GNE: variants seen among roughly 807,000 people sequenced by gnomAD.
The protein encoded by GNE is glucosamine (UDP-N-acetyl)-2-epimerase/N-acetylmannosamine kinase, also known as bifunctional UDP-N-acetylglucosamine 2-epimerase/N-acetylmannosamine kinase.
A neutral mutation model predicts 61.8 loss-of-function variants in GNE; 41 were observed. The observed-to-expected ratio is 0.66, with a 90% CI of 0.52 to 0.86. GNE has a LOEUF of 0.86. Among genes scored for constraint, GNE ranks in the 40% least tolerant of loss-of-function variants. The pLI, the probability that GNE is intolerant of heterozygous loss-of-function variation, is 0.00. For synonymous variants in GNE, 264 were observed against 326.4 expected (o/e 0.81, Z 2.06); for missense variants, 608 against 909.1 (o/e 0.67, Z 4.26).
chr9:36,240,466 T>A (rs1173273891), intron 3 of GNE, among the ~76,000 whole-genome samples: 1 of 152,224 alleles, frequency 6.6e-6, no homozygotes, highest in Non-Finnish European at 1.5e-5. Context: ...TTTACTGACT[T>A]GTATACATTA....
intron 1 of GNE, among the ~76,000 whole-genome samples, chr9:36,269,129 C>CAA (rs397776335): frequency 5.0e-4 from 42 of 83,884 alleles, no homozygotes; most frequent in East Asian, 3.9e-3. Context: ...GACTCCGTCT[C>CAA]AAAAAAAAAA....
At chr9:36,248,593 G>C (rs917451544) in intron 2 of GNE, among the ~76,000 whole-genome samples, 1 of 151,930 alleles carries the variant, frequency 6.6e-6, no homozygotes, top group African/African-American at 2.4e-5. Flanking sequence ...CAGAGTGCTG[G>C]GATTATAGGC....
At chr9:36,260,295 A>AG (rs1329033450), upstream of GNE, among the ~76,000 whole-genome samples, 28 of 149,732 alleles carry the variant, frequency 1.9e-4, no homozygotes, top group African/African-American at 4.5e-4. Context: ...AAAAAAAAAA[A>AG]AAAGAAAGAA....
At chr9:36,233,728 A>G (rs913399445) in intron 5 of GNE, 192 bp downstream of exon 5, 1 of 666,290 alleles carries the variant, frequency 1.5e-6, no homozygotes, top group Admixed American at 2.2e-5. Context: ...ATAAAATGTA[A>G]GTAGAGATCT....
Position 36,215,941 on chromosome 9 carries a change from A to T in GNE, c.*1424T>A, listed in dbSNP as rs1828252254. The T allele has an allele frequency of 5.0e-6, 1 of 201,604 alleles. No individual in the cohort carries two copies. The highest frequency in any genetic ancestry group is 1.0e-5 in the Non-Finnish European group (1 of 96,428). 12.5% of individuals were successfully genotyped at this position (201,604 alleles called of 1,614,324 possible). A position where few individuals can be genotyped will look rare whatever the true frequency, so the allele number is the denominator to read the frequency against. On this transcript the variant is annotated 3_prime_UTR_variant, in exon 12 of 12. Coordinates refer to ENST00000642385, the MANE Select transcript of GNE (RefSeq NM_005476.7). The stretch of plus-strand genomic sequence containing the variant: ...TCAGTAGCAAAGATCCTTTTGGGAC[A>T]GTTAATCTCCTTTTAAAGGCTCTAA...
At chr9:36,232,102 T>A (rs1040383705) in intron 5 of GNE, among the ~76,000 whole-genome samples, 2 of 152,172 alleles carry the variant, frequency 1.3e-5, no homozygotes, top group African/African-American at 4.8e-5. Context: ...CACCTTTCTG[T>A]TATATTTACA....
At chr9:36,259,195 C>T (rs1830528265), upstream of GNE, among the ~76,000 whole-genome samples, 1 of 152,198 alleles carries the variant, frequency 6.6e-6, no homozygotes, top group East Asian at 1.9e-4. Flanking sequence ...GCTGGGACTA[C>T]AGGACCATGC....
chr9:36,223,720 A>G (rs1828717724), intron 7 of GNE, among the ~76,000 whole-genome samples: 1 of 151,564 alleles, frequency 6.6e-6, no homozygotes, highest in South Asian at 2.1e-4. Flanking sequence ...TGTTGAAGCA[A>G]TGACAACTCC....
exon 1 of GNE, chr9:36,276,954 C>G: frequency 1.2e-6 from 2 of 1,613,070 alleles, no homozygotes; most frequent in Non-Finnish European, 1.7e-6. Context: ...TCCCGAAGCA[C>G]GAGCTCTGTA....
At chr9:36,268,694 G>A (rs1054265820) in intron 1 of GNE, among the ~76,000 whole-genome samples, 3 of 152,104 alleles carry the variant, frequency 2.0e-5, no homozygotes, top group Non-Finnish European at 2.9e-5. Context: ...TATGTGGGAA[G>A]TATGTTCTTC....
At chr9:36,260,294 AAAAAG>A (rs1384811877), upstream of GNE, among the ~76,000 whole-genome samples, 708 of 151,466 alleles carry the variant, frequency 4.7e-3, 6 homozygotes, top group African/African-American at 0.016. Flanking sequence ...AAAAAAAAAA[AAAAAG>A]AAAGAAAGAA....
At chr9:36,222,699 G>T in intron 9 of GNE, 78 bp downstream of exon 9, 1 of 1,005,158 alleles carries the variant, frequency 9.9e-7, no homozygotes, top group African/African-American at 1.6e-5. Flanking sequence ...AGGCAGAGTT[G>T]TAACCACCTG....
intron 3 of GNE, among the ~76,000 whole-genome samples, chr9:36,242,732 G>GTTTTTTTTTTT (rs34441447): frequency 1.0e-5 from 1 of 95,992 alleles, no homozygotes. Context: ...TTTTATGCTT[G>GTTTTTTTTTTT]TTTTTTTTTT....
intron 1 of GNE, among the ~76,000 whole-genome samples, chr9:36,255,185 T>G (rs1387978348): frequency 6.6e-6 from 1 of 152,162 alleles, no homozygotes. Flanking sequence ...TGACAAACCA[T>G]GAATGATTTG....
rs575579722 is a variant in GNE, at chr9:36,214,542, A to G, written c.*2823T>C. 1.3e-5 allele frequency: 2 copies of G among 152,246 alleles called. No homozygotes were observed. Among genetic ancestry groups the G allele is most frequent in the African/African-American group, 2.4e-5 (1 of 41,466 alleles). The allele number at this position is 152,246 out of a possible 1,614,324, so 9.4% of individuals were successfully genotyped here. On this transcript the variant is annotated 3_prime_UTR_variant, in exon 12 of 12. Coordinates refer to ENST00000642385, the MANE Select transcript of GNE (RefSeq NM_005476.7). ...AATTAACATGCAATTACTTAACCAT[A>G]TGTAATAATTTACGTTGGAATATAT...
At chr9:36,260,217 G>C (rs950560943), upstream of GNE, among the ~76,000 whole-genome samples, 3 of 150,114 alleles carry the variant, frequency 2.0e-5, no homozygotes, top group African/African-American at 7.4e-5. Context: ...GGAGTTCCAG[G>C]CAACAGTGAG....
intron 3 of GNE, among the ~76,000 whole-genome samples, chr9:36,243,212 T>G (rs183009262): frequency 4.6e-5 from 7 of 152,100 alleles, no homozygotes; most frequent in African/African-American, 1.7e-4. Flanking sequence ...ACCCGGCTGA[T>G]TTTTGTATTT....
chr9:36,249,764 G>C (rs1253998945), intron 1 of GNE, among the ~76,000 whole-genome samples: 1 of 151,922 alleles, frequency 6.6e-6, no homozygotes, highest in East Asian at 1.9e-4. Context: ...GGTACCTGTA[G>C]TCCCAGCTAC....
rs991527490 is a variant in GNE, at chr9:36,217,022, G to C, written c.*343C>G. ...AGGATGAAGTGATATCCCAGGCAAG[G>C]CCTGAAGGTCTCAGTGGTATTAATA... is the stretch of plus-strand genomic sequence containing the variant. On this transcript the variant is annotated 3_prime_UTR_variant, in exon 12 of 12. Coordinates refer to ENST00000642385, the MANE Select transcript of GNE (RefSeq NM_005476.7). 5 of 357,714 alleles carry C rather than the reference G, an allele frequency of 1.4e-5. No homozygotes were observed. The highest frequency in any genetic ancestry group is 1.6e-5 in the Non-Finnish European group (3 of 185,936). 22.2% of individuals were successfully genotyped at this position (357,714 alleles called of 1,614,324 possible). A position where few individuals can be genotyped will look rare whatever the true frequency, so the allele number is the denominator to read the frequency against.
Sources: gnomAD v4.1 joint callset for allele counts (sites outside exome capture counted in the v4.1 genomes callset) on GRCh38, gnomAD v4.1.1 for gene constraint, MANE v1.5 for transcripts, NCBI Gene and HGNC (gene_info 2026-07-23, HGNC 2026-07-21) for gene names.